Variants in ZNF117 observed in about 807,000 individuals in gnomAD.
ZNF117 encodes the protein Krueppel-related zinc finger protein.
Under a neutral mutation model 41.2 loss-of-function variants are expected in ZNF117, and 37 were observed. The observed-to-expected ratio is 0.90, with a 90% CI of 0.69 to 1.18. ZNF117 has a LOEUF of 1.18. ZNF117 is among the 50% of genes most tolerant of loss of function. The pLI, the probability that ZNF117 is intolerant of heterozygous loss-of-function variation, is 0.00. For missense variants in ZNF117, 546 were observed against 557.5 expected (o/e 0.98, Z 0.21); for synonymous variants, 186 against 186.6 (o/e 1.00, Z 0.02).
exon 3 of ZNF117, chr7:64,977,257 T>A: frequency 2.4e-6 from 1 of 415,164 alleles, no homozygotes; most frequent in Non-Finnish European, 4.8e-6. Context: ...TGAATTTTTT[T>A]ATGGTCTGTA....
At chr7:64,973,551 TAA>T (rs1785816313), downstream of ZNF117, 1 of 151,924 alleles carries the variant, frequency 6.6e-6, no homozygotes, top group African/African-American at 2.4e-5. Flanking sequence ...TTATCTTAAT[TAA>T]CTGATCAGAA....
At chr7:64,979,275 T>A in exon 3 of ZNF117, 6 of 1,594,476 alleles carry the variant, frequency 3.8e-6, no homozygotes, top group Non-Finnish European at 5.1e-6. Flanking sequence ...TCTCATCTTG[T>A]GTCTATTTGA....
chr7:64,989,443 T>TTA (rs58009024), intron 1 of ZNF117, among the ~76,000 whole-genome samples: 507 of 49,032 alleles, frequency 0.01, 1 homozygote, highest in Non-Finnish European at 0.014. Context: ...GAACTTAAAA[T>TTA]TATATATATA....
downstream of ZNF117, chr7:64,972,346 C>G (rs185732357): frequency 1.4e-3 from 212 of 152,134 alleles, 1 homozygote; most frequent in African/African-American, 4.9e-3. Context: ...AACATTTATG[C>G]TTCTATGTTG....
intron 1 of ZNF117, 70 bp downstream of exon 2, chr7:64,981,914 A>T (rs1366417024): frequency 2.0e-5 from 9 of 451,562 alleles, no homozygotes; most frequent in Non-Finnish European, 3.2e-5. Context: ...AGCATAAATC[A>T]CCAAAAACAT....
At chr7:64,973,463 A>T (rs192399684), downstream of ZNF117, 11 of 152,136 alleles carry the variant, frequency 7.2e-5, no homozygotes, top group Admixed American at 5.2e-4. Flanking sequence ...TAAAAATTTA[A>T]TAAGTTTTTC....
At chr7:64,982,070 T>G (rs1786045150) in exon 1 of ZNF117, 1 of 962,176 alleles carries the variant, frequency 1.0e-6, no homozygotes, top group Non-Finnish European at 1.7e-6. Context: ...GCATTGCCAC[T>G]CCTCCAAAGA....
chr7:64,975,608 G>A (rs1037495021), exon 3 of ZNF117: 9 of 152,036 alleles, frequency 5.9e-5, no homozygotes, highest in Non-Finnish European at 1.2e-4. Context: ...AAAGCATGAA[G>A]TAATTTGAGT....
chr7:64,984,624 A>C (rs1278402750), upstream of ZNF117, among the ~76,000 whole-genome samples: 1 of 152,182 alleles, frequency 6.6e-6, no homozygotes, highest in South Asian at 2.1e-4. Flanking sequence ...TGTCATACTA[A>C]TATTACTGTA....
chr7:64,989,176 TAC>T (rs146554486), intron 1 of ZNF117, among the ~76,000 whole-genome samples: 41 of 148,184 alleles, frequency 2.8e-4, no homozygotes, highest in East Asian at 6.0e-4. Flanking sequence ...TATACACATA[TAC>T]ACACACACAC....
At chr7:64,973,942 A>T (rs1367569988), downstream of ZNF117, 18 of 151,972 alleles carry the variant, frequency 1.2e-4, no homozygotes. Flanking sequence ...GAATGTTTAC[A>T]GGTTATTATG....
chr7:64,981,926 C>A lies in ZNF117; in HGVS notation c.-63+58G>T, dbSNP rs1584050289. 1.3e-5 allele frequency: 6 copies of A among 457,498 alleles called. No homozygotes were observed. The East Asian group carries it at 2.3e-4, about 17-fold the overall frequency. 28.3% of individuals were successfully genotyped at this position (457,498 alleles called of 1,614,324 possible). A position where few individuals can be genotyped will look rare whatever the true frequency, so the allele number is the denominator to read the frequency against. ...CAAAGCATAAATCACCAAAAACATT[C>A]TACAAAAAAGAGAATTAAAACCTTT... is the stretch of plus-strand genomic sequence containing the variant. On this transcript the variant is annotated intron_variant, in intron 1 of 2. Transcript: ENST00000620222.
exon 3 of ZNF117, chr7:64,978,040 T>A: frequency 6.9e-7 from 1 of 1,454,910 alleles, no homozygotes; most frequent in Non-Finnish European, 9.5e-7. Context: ...GAGAAATGGT[T>A]AGAAGTTTTG....
chr7:64,974,711 A>G (rs1785842669), exon 3 of ZNF117: 1 of 151,972 alleles, frequency 6.6e-6, no homozygotes, highest in South Asian at 2.1e-4. Context: ...ATGTTTAAGC[A>G]GGACTCAGAA....
At chr7:64,982,974 T>A (rs913466830), upstream of ZNF117, among the ~76,000 whole-genome samples, 13 of 152,150 alleles carry the variant, frequency 8.5e-5, no homozygotes, top group African/African-American at 2.9e-4. Context: ...TAAATTAGAG[T>A]TTGAATTTAA....
chr7:64,984,798 G>GT (rs1435199285), upstream of ZNF117, among the ~76,000 whole-genome samples: 6 of 151,560 alleles, frequency 4.0e-5, no homozygotes, highest in South Asian at 2.1e-4. Context: ...TTTTTTGTTT[G>GT]TTTTTTTGTT....
Position 64,977,206 on chromosome 7 carries a change from C to T in ZNF117, c.*913G>A, listed in dbSNP as rs562713951. The T allele has an allele frequency of 1.2e-4, 51 of 432,974 alleles. 1 individual carries two copies. Among genetic ancestry groups the T allele is most frequent in the South Asian group, 9.0e-4 (51 of 56,676 alleles). The allele number at this position is 432,974 out of a possible 1,614,324, so 26.8% of individuals were successfully genotyped here. On this transcript the variant is annotated 3_prime_UTR_variant, in exon 3 of 3. Transcript: ENST00000620222. ...GTAAGCGTTGAGGACAGGTTAAAGG[C>T]CTTGTCACATTCTTCACATTTGTAG...
chr7:64,977,928 TTA>T (rs1785926187), exon 3 of ZNF117: 1 of 1,236,306 alleles, frequency 8.1e-7, no homozygotes, highest in African/African-American at 1.5e-5. Context: ...ATGAATTCTT[TTA>T]TGTGTAGAAA....
upstream of ZNF117, among the ~76,000 whole-genome samples, chr7:64,983,281 C>T (rs1295907598): frequency 6.6e-6 from 1 of 152,168 alleles, no homozygotes; most frequent in Non-Finnish European, 1.5e-5. Context: ...AGTAGTCACA[C>T]CTTCCCATGT....
Sources: allele counts gnomAD v4.1 joint callset (sites outside exome capture counted in the v4.1 genomes callset), GRCh38; gene constraint gnomAD v4.1.1; transcripts MANE v1.5; gene names NCBI Gene and HGNC (gene_info 2026-07-23, HGNC 2026-07-21).